The following CACHD1 variants were observed in gnomAD, a reference collection of about 807,000 sequenced individuals.
CACHD1 encodes VWFA and cache domain-containing protein 1.
CACHD1 carries 71 observed loss-of-function variants against 138.7 expected under a neutral mutation model. The observed-to-expected ratio is 0.51, with a 90% CI of 0.42 to 0.62. The LOEUF is 0.62. Ranked by LOEUF, CACHD1 falls within the 20% of genes least tolerant of loss-of-function variation. The pLI, the probability that CACHD1 is intolerant of heterozygous loss-of-function variation, is 0.00. For missense variants in CACHD1, 1,389 were observed against 1,625.3 expected, an observed-to-expected ratio of 0.85 and a Z score of 2.50; for synonymous variants, 578 against 591.5, an observed-to-expected ratio of 0.98 and a Z score of 0.33.
chr1:64,589,443 T>C (rs1307714105), intron 3 of CACHD1, among the ~76,000 whole-genome samples: 1 of 152,096 alleles, frequency 6.6e-6, no homozygotes, highest in African/African-American at 2.4e-5. Flanking sequence ...TTGTGTTAGA[T>C]AGGGTCCTCC....
intron 4 of CACHD1, among the ~76,000 whole-genome samples, chr1:64,624,787 G>A (rs925911761): frequency 1.3e-4 from 20 of 152,300 alleles, no homozygotes; most frequent in Admixed American, 5.2e-4. Flanking sequence ...AGGATAAAAC[G>A]TGTTATAGCC....
At chr1:64,685,257 C>T (rs1035712021) in intron 26 of CACHD1, among the ~76,000 whole-genome samples, 9 of 152,090 alleles carry the variant, frequency 5.9e-5, no homozygotes, top group Non-Finnish European at 1.0e-4. Flanking sequence ...TAACATGTGG[C>T]ACAGGTTTGT....
rs374424479 is a variant in CACHD1, at chr1:64,476,524, G to A, written c.198+5582G>A. Among the ~76,000 whole-genome samples the A allele has an allele frequency of 5.3e-5, 8 of 152,214 alleles. No homozygotes were observed. The East Asian group carries it at 1.3e-3, about 26-fold the overall frequency. On this transcript the variant is annotated intron_variant, in intron 1 of 26. Transcript: ENST00000651257. ...AATGTGATTTGATTCTACGCCTTGT[G>A]TACCATATAAGCCTTAGTGGAAAAA... is the stretch of plus-strand genomic sequence containing the variant.
chr1:64,581,715 TTC>T (rs1226236783), intron 2 of CACHD1, among the ~76,000 whole-genome samples: 4 of 152,188 alleles, frequency 2.6e-5, no homozygotes, highest in African/African-American at 9.7e-5. Flanking sequence ...TTTCCTTTCC[TTC>T]TGTTATTATC....
At chr1:64,681,552 T>TTTTTTTTTTTTTTTTTTTTTTTTTTTTG (rs1650189599) in intron 25 of CACHD1, among the ~76,000 whole-genome samples, 1 of 94,656 alleles carries the variant, frequency 1.1e-5, no homozygotes, top group African/African-American at 3.9e-5. Flanking sequence ...TTTTTTTTTT[T>TTTTTTTTTTTTTTTTTTTTTTTTTTTTG]TTTTTTTTTT....
At chr1:64,681,448 G>A in intron 25 of CACHD1, 113 bp downstream of exon 25, 1 of 751,268 alleles carries the variant, frequency 1.3e-6, no homozygotes, top group South Asian at 2.3e-5. Context: ...CTTTGACACG[G>A]TGGCTGGGTT....
intron 2 of CACHD1, among the ~76,000 whole-genome samples, chr1:64,578,891 A>G (rs988576075): frequency 6.6e-6 from 1 of 152,166 alleles, no homozygotes; most frequent in East Asian, 1.9e-4. Flanking sequence ...TCATAAGCCT[A>G]CCCAGATTTA....
At chr1:64,482,251 T>G (rs1052374983) in intron 1 of CACHD1, among the ~76,000 whole-genome samples, 5 of 152,178 alleles carry the variant, frequency 3.3e-5, no homozygotes, top group African/African-American at 1.2e-4. Context: ...TCATGGGATT[T>G]TTTTTTTCCC....
At chr1:64,532,402 A>G (rs1646594727) in intron 1 of CACHD1, among the ~76,000 whole-genome samples, 2 of 152,218 alleles carry the variant, frequency 1.3e-5, no homozygotes, top group African/African-American at 4.8e-5. Flanking sequence ...CGAGTAGAGC[A>G]TCAGGTGTGA....
intron 1 of CACHD1, among the ~76,000 whole-genome samples, chr1:64,483,622 C>A (rs1646223851): frequency 6.7e-6 from 1 of 149,620 alleles, no homozygotes; most frequent in Non-Finnish European, 1.5e-5. Context: ...GGTGGCAGGA[C>A]CCCTTGAGGC....
intron 6 of CACHD1, 116 bp downstream of exon 6, chr1:64,632,859 C>A: frequency 1.7e-6 from 2 of 1,176,748 alleles, no homozygotes; most frequent in Non-Finnish European, 2.4e-6. Context: ...GGGTTACATC[C>A]TGATAAATCC....
rs1649531783 is a variant in CACHD1 at position 64,663,796 on chromosome 1, C to T, written c.2053C>T (p.Leu685Phe). Residue 685 changes from leucine (L) to phenylalanine (F), a missense_variant, in exon 14 of 27, where the codon CTC (leucine) becomes TTC (phenylalanine). Physicochemically the swap from Leu to Phe is conservative, Grantham distance 22 (BLOSUM62 0). Transcript: ENST00000651257. The part of the protein sequence containing the change: ...KRMVEHYTAY[L>F]SDNTRLIANP... ...CATGGTAGAGCACTACACCGCCTATCTCAGCGACAACACCCGCCTCATTGC... is the reference window on the plus strand; with the variant it reads ...CATGGTAGAGCACTACACCGCCTATTTCAGCGACAACACCCGCCTCATTGC... The T allele has an allele frequency of 1.2e-6, 2 of 1,614,172 alleles. No individual in the cohort carries two copies. The highest frequency in any genetic ancestry group is 3.3e-5 in the Admixed American group (2 of 60,026).
At chr1:64,668,353 A>T (rs1033771929) in intron 16 of CACHD1, among the ~76,000 whole-genome samples, 5 of 151,138 alleles carry the variant, frequency 3.3e-5, no homozygotes, top group African/African-American at 1.2e-4. Flanking sequence ...AAAAAGAAAA[A>T]AAGAAAAACC....
intron 1 of CACHD1, among the ~76,000 whole-genome samples, chr1:64,535,883 A>G (rs1646628930): frequency 6.6e-6 from 1 of 152,056 alleles, no homozygotes; most frequent in South Asian, 2.1e-4. Context: ...GCAATCCAAG[A>G]TGTGTTTTGT....
intron 8 of CACHD1, among the ~76,000 whole-genome samples, 176 bp downstream of exon 8, chr1:64,642,145 T>C (rs1489079300): frequency 6.6e-6 from 1 of 152,224 alleles, no homozygotes; most frequent in Non-Finnish European, 1.5e-5. Context: ...GGAGGTTCCT[T>C]TCTCTTCATC....
At chr1:64,620,936 G>C (rs1167008768) in intron 4 of CACHD1, among the ~76,000 whole-genome samples, 1 of 152,042 alleles carries the variant, frequency 6.6e-6, no homozygotes, top group African/African-American at 2.4e-5. Flanking sequence ...CTAACTTACA[G>C]CCAACTAAAA....
intron 1 of CACHD1, among the ~76,000 whole-genome samples, chr1:64,514,435 G>A (rs1292498999): frequency 6.6e-6 from 1 of 152,200 alleles, no homozygotes; most frequent in Non-Finnish European, 1.5e-5. Flanking sequence ...CAGCTTGACT[G>A]TGAGTTTTCT....
At chr1:64,583,050 A>G (rs1196886502) in intron 3 of CACHD1, among the ~76,000 whole-genome samples, 1 of 152,246 alleles carries the variant, frequency 6.6e-6, no homozygotes, top group East Asian at 1.9e-4. Flanking sequence ...TGTTTTTAAA[A>G]TATGAGTGTA....
chr1:64,634,282 A>T, intron 7 of CACHD1, 22 bp downstream of exon 7: 1 of 1,580,280 alleles, frequency 6.3e-7, no homozygotes, highest in Non-Finnish European at 8.7e-7. Context: ...CTCTCAGAGG[A>T]CTTAGAGGCA....
Sources: allele counts gnomAD v4.1 joint callset (sites outside exome capture counted in the v4.1 genomes callset), GRCh38; gene constraint gnomAD v4.1.1; transcripts MANE v1.5; gene names NCBI Gene and HGNC (gene_info 2026-07-23, HGNC 2026-07-21).